PDXDC1: variants seen among roughly 807,000 people sequenced by gnomAD.
The protein encoded by PDXDC1 is pyridoxal-dependent decarboxylase domain-containing protein 1.
A neutral mutation model predicts 100.1 loss-of-function variants in PDXDC1; 42 were observed. The observed-to-expected ratio is 0.42, with a 90% CI of 0.33 to 0.54. The LOEUF (loss-of-function observed/expected upper bound fraction) is 0.54, where lower values mean the gene tolerates loss of function less well. Ranked by LOEUF, PDXDC1 falls within the 20% of genes least tolerant of loss-of-function variation. PDXDC1 has a pLI of 0.10. For missense variants in PDXDC1, 636 were observed against 979.2 expected, an observed-to-expected ratio of 0.65 and a Z score of 4.68; for synonymous variants, 260 against 371.7, an observed-to-expected ratio of 0.70 and a Z score of 3.46.
intron 16 of PDXDC1, chr16:15,132,576 G>C: frequency 4.5e-6 from 3 of 674,142 alleles, no homozygotes; most frequent in South Asian, 3.4e-5. Flanking sequence ...TACTGAAGCA[G>C]GTCAGAGACC....
At position 15,071,204 on chromosome 16, in the gene PDXDC1, G is replaced by A. The variant is rs370313375; in HGVS notation, c.1399+41148G>A. 2.5e-6 allele frequency: 4 copies of A among 1,610,814 alleles called. No homozygotes were observed. The African/African-American group carries it at 4.0e-5, about 16-fold the overall frequency. On this transcript the variant is annotated intron_variant, in intron 16 of 16. Coordinates refer to the PDXDC1 transcript ENST00000535621. ...GCCTGATGATGGCAGGATTACTTGG[G>A]TCCTGCAATTTTTTCCAGAGATGTT...
At chr16:15,060,083 A>C in intron 16 of PDXDC1, 1 of 316,612 alleles carries the variant, frequency 3.2e-6, no homozygotes, top group South Asian at 2.7e-5. Context: ...CAGATTAACC[A>C]TGTCATTGTT....
At chr16:15,045,617 C>CA (rs2044026692) in intron 16 of PDXDC1, 2 of 152,408 alleles carry the variant, frequency 1.3e-5, no homozygotes, top group African/African-American at 2.4e-5. Context: ...AAAACAAAAA[C>CA]AAAACAAAAC....
chr16:15,125,321 C>T, intron 16 of PDXDC1: 1 of 706,696 alleles, frequency 1.4e-6, no homozygotes, highest in Non-Finnish European at 2.4e-6. Context: ...GGCCAGCACA[C>T]CAGACTGCAG....
At chr16:15,148,108 C>T in the PDXDC1 span, among the ~76,000 whole-genome samples, 1 of 151,788 alleles carries the variant, frequency 6.6e-6, no homozygotes, top group Admixed American at 6.6e-5. Flanking sequence ...CCCCCCTCAG[C>T]CTCCCAACTA....
chr16:15,132,415 G>A, intron 16 of PDXDC1, among the ~76,000 whole-genome samples: 1 of 105,964 alleles, frequency 9.4e-6, no homozygotes, highest in Non-Finnish European at 2.0e-5. Flanking sequence ...GGGCAGGGGA[G>A]GGGCTAGGGG....
chr16:15,025,811 G>C (rs1300358553), intron 13 of PDXDC1: 2 of 152,566 alleles, frequency 1.3e-5, no homozygotes, highest in Non-Finnish European at 2.9e-5. Context: ...GGATGCTTAC[G>C]GTACCCTGAC....
chr16:15,110,986 G>A (rs1370315860), intron 16 of PDXDC1, among the ~76,000 whole-genome samples: 7 of 147,660 alleles, frequency 4.7e-5, no homozygotes, highest in African/African-American at 1.5e-4. Context: ...AAAATTAGCC[G>A]GGCATGGCAG....
chr16:14,985,281 CTTTTTTTTTTTT>C (rs769346480), intron 1 of PDXDC1, among the ~76,000 whole-genome samples: 1 of 114,508 alleles, frequency 8.7e-6, no homozygotes, highest in Non-Finnish European at 1.7e-5. Context: ...TGATAAACAA[CTTTTTTTTTTTT>C]TTTTTTTTTT....
chr16:15,134,136 T>G (rs2048239729), intron 16 of PDXDC1: 1 of 1,288,194 alleles, frequency 7.8e-7, no homozygotes, highest in Non-Finnish European at 1.1e-6. Flanking sequence ...CACTTCTGCC[T>G]GCAGGCCCCG....
At chr16:15,000,902 TATATA>T (rs1369034261) in intron 3 of PDXDC1, among the ~76,000 whole-genome samples, 5 of 148,946 alleles carry the variant, frequency 3.4e-5, no homozygotes, top group African/African-American at 4.9e-5. Context: ...TATTATATTT[TATATA>T]ATATATTTTA....
At chr16:15,128,480 C>T in intron 16 of PDXDC1, 1 of 746,672 alleles carries the variant, frequency 1.3e-6, no homozygotes, top group Non-Finnish European at 2.3e-6. Context: ...GGCCTCCGCG[C>T]ACTCAAGGAG....
intron 6 of PDXDC1, among the ~76,000 whole-genome samples, chr16:15,006,989 G>A (rs1226971024): frequency 1.3e-5 from 2 of 152,266 alleles, no homozygotes; most frequent in East Asian, 1.9e-4. Flanking sequence ...GGACAACTAA[G>A]AGTGTTTGCA....
chr16:15,092,281 G>T lies in PDXDC1; in HGVS notation c.1400-46598G>T, dbSNP rs555138160. On this transcript the variant is annotated intron_variant, in intron 16 of 16. Transcript: ENST00000535621. Reference sequence around the variant, plus strand: ...AAGCATTTGAAGAGGTGAAACCTCAGTAAAGACATTATTACTCTCTCATTA... The same window carrying T: ...AAGCATTTGAAGAGGTGAAACCTCATTAAAGACATTATTACTCTCTCATTA... Among the ~76,000 whole-genome samples, 4 of 152,322 alleles carry T rather than the reference G, an allele frequency of 2.6e-5. No homozygotes were observed. The South Asian group carries it at 8.3e-4, about 32-fold the overall frequency.
chr16:15,135,325 G>C (rs936572333), intron 16 of PDXDC1: 403 of 1,535,124 alleles, frequency 2.6e-4, no homozygotes, highest in Non-Finnish European at 3.2e-4. Context: ...TCCACACGGT[G>C]AGGCTGAAGG....
chr16:15,068,223 T>C, intron 16 of PDXDC1: 1 of 1,594,796 alleles, frequency 6.3e-7, no homozygotes, highest in Non-Finnish European at 8.5e-7. Context: ...CTTCAGGGGA[T>C]TTAGCTGGCT....
rs182504876 is a variant in PDXDC1 at position 15,099,318 on chromosome 16, G to A, written c.1400-39561G>A. Among the ~76,000 whole-genome samples the A allele has an allele frequency of 2.1e-3, 321 of 150,912 alleles. 3 individuals are homozygous for A. Among genetic ancestry groups the A allele is most frequent in the African/African-American group, 7.5e-3 (309 of 41,018 alleles). The stretch of plus-strand genomic sequence containing the variant: ...GCCTGTAATCCCAGCTACTTGAGAG[G>A]CTGAGGCTGGAGAATTGCTTGAACC... On this transcript the variant is annotated intron_variant, in intron 16 of 16. Transcript: ENST00000535621.
At chr16:15,141,428 G>A (rs1157334176), downstream of PDXDC1, among the ~76,000 whole-genome samples, 9 of 152,226 alleles carry the variant, frequency 5.9e-5, no homozygotes, top group Admixed American at 4.6e-4. Context: ...CAGATGAGAC[G>A]CTGGGCACTG....
intron 1 of PDXDC1, among the ~76,000 whole-genome samples, chr16:14,985,104 CCTGACTTCGTGAT>C (rs1969029343): frequency 6.6e-6 from 1 of 152,194 alleles, no homozygotes; most frequent in Admixed American, 6.5e-5. Context: ...GTCTCGAACT[CCTGACTTCGTGAT>C]CTGCCCACCC....
Sources: gnomAD v4.1 joint callset for allele counts (sites outside exome capture counted in the v4.1 genomes callset) on GRCh38, gnomAD v4.1.1 for gene constraint, MANE v1.5 for transcripts, NCBI Gene and HGNC (gene_info 2026-07-23, HGNC 2026-07-21) for gene names.